ENPP4: variants seen among roughly 807,000 people sequenced by gnomAD.
ENPP4 encodes the protein bis(5'-adenosyl)-triphosphatase ENPP4.
A neutral mutation model predicts 33.4 loss-of-function variants in ENPP4; 18 were observed. That is an observed-to-expected ratio of 0.54 (90% CI 0.37 to 0.80). The LOEUF is 0.80. Among genes scored for constraint, ENPP4 ranks in the 30% least tolerant of loss-of-function variants. ENPP4 has a pLI of 0.00. For synonymous variants in ENPP4, 172 were observed against 189.9 expected (o/e 0.91, Z 0.78); for missense variants, 480 against 541.7 (o/e 0.89, Z 1.13).
rs7451713 is a variant in ENPP4, at chr6:46,140,015, C to T, written c.432C>T (p.His144=). Residue 144 remains histidine (H), a synonymous_variant, in exon 2 of 4, where the codon CAC becomes CAT. Coordinates refer to ENST00000321037, the MANE Select transcript of ENPP4 (RefSeq NM_014936.5). ...AMWPGTDVPI[H]DTISSYFMNY... is the part of the protein sequence containing the mutation. ...GGCCTGGTACTGATGTACCCATTCA[C>T]GATACCATCTCTTCCTATTTTATGA... 45 of 1,612,244 alleles carry T rather than the reference C, an allele frequency of 2.8e-5. No individual in the cohort carries two copies. The East Asian group carries it at 7.8e-4, about 28-fold the overall frequency.
Position 46,139,999 on chromosome 6 carries a change from C to G in ENPP4, c.416C>G (p.Thr139Ser), listed in dbSNP as rs1158844061. 6.2e-7 allele frequency: 1 copy of G among 1,612,804 alleles called. No homozygotes were observed. Among genetic ancestry groups the G allele is most frequent in the East Asian group, 2.2e-5 (1 of 44,860 alleles). ...RSSAAAMWPGTDVPIHDTISS... is the reference protein window; with the variant it reads ...RSSAAAMWPGSDVPIHDTISS... ...AGTGCTGCTGCTATGTGGCCTGGTA[C>G]TGATGTACCCATTCACGATACCATC... Residue 139 changes from threonine to serine, a missense_variant, in exon 2 of 4, where the codon ACT becomes AGT. Physicochemically the swap from Thr to Ser is moderately conservative, Grantham distance 58. This residue lies in a region of ENPP4 where 227 missense variants were observed against 273.7 expected (regional missense o/e 0.83). Coordinates refer to ENST00000321037, the MANE Select transcript of ENPP4 (RefSeq NM_014936.5).
At chr6:46,132,408 G>A (rs1358975745) in intron 1 of ENPP4, among the ~76,000 whole-genome samples, 1 of 152,192 alleles carries the variant, frequency 6.6e-6, no homozygotes. Context: ...TTATGAAATA[G>A]GGAATACTTT....
chr6:46,139,841 T>C lies in ENPP4; in HGVS notation c.258T>C (p.His86=), dbSNP rs755928136. The C allele has an allele frequency of 1.2e-6, 2 of 1,612,506 alleles. No homozygotes were observed. The highest frequency in any genetic ancestry group is 1.3e-5 in the African/African-American group (1 of 74,800). Residue 86 remains histidine, a synonymous_variant, in exon 2 of 4, where the codon CAT becomes CAC. Transcript: ENST00000321037. ...TGACAGGCTTGTATGAAGAAAGCCA[T>C]GGCATTGTGGCTAATTCCATGTATG... The part of the protein sequence containing the change: ...SIVTGLYEES[H]GIVANSMYDA...
At chr6:46,130,248 C>G (rs372314984) in intron 1 of ENPP4, 59 bp downstream of exon 1, 1 of 152,298 alleles carries the variant, frequency 6.6e-6, no homozygotes. Context: ...CCTCTCCAGT[C>G]CCCTAGGGGC....
Position 46,138,619 on chromosome 6 carries a change from C to G in ENPP4, c.-33-932C>G, listed in dbSNP as rs117874699. Among the ~76,000 whole-genome samples the G allele has an allele frequency of 1.7e-3, 260 of 151,974 alleles. 7 individuals carry two copies. In the East Asian group the frequency reaches 0.043, roughly 25 times the overall value. On this transcript the variant is annotated intron_variant, in intron 1 of 3. Coordinates refer to ENST00000321037, the MANE Select transcript of ENPP4 (RefSeq NM_014936.5). ...GCCCTCAAATCTGTCAGCTCCCCTACCTTTGCTCCTTCTCTCCTGTTACAA... is the reference window on the plus strand; with the variant it reads ...GCCCTCAAATCTGTCAGCTCCCCTAGCTTTGCTCCTTCTCTCCTGTTACAA...
Position 46,139,608 on chromosome 6 carries a change from T to C in ENPP4, c.25T>C (p.Phe9Leu). Residue 9 changes from phenylalanine to leucine, a missense_variant, in exon 2 of 4, where the codon TTT becomes CTT. Around this residue, in one of 3 missense-constraint regions of ENPP4, gnomAD observed 227 missense variants for 273.7 expected, o/e 0.83. Transcript: ENST00000321037. Reference protein sequence around the residue: MKLLVILLFSGLITGFRSD... With the variant: MKLLVILLLSGLITGFRSD... Reference sequence around the variant, plus strand: ...TATGAAGTTATTAGTAATACTTTTGTTTTCTGGACTTATAACTGGTTTTAG... The same window carrying C: ...TATGAAGTTATTAGTAATACTTTTGCTTTCTGGACTTATAACTGGTTTTAG... 1.9e-6 allele frequency: 3 copies of C among 1,599,742 alleles called. No individual in the cohort carries two copies. The highest frequency in any genetic ancestry group is 2.6e-6 in the Non-Finnish European group (3 of 1,168,306).
intron 1 of ENPP4, among the ~76,000 whole-genome samples, chr6:46,130,391 C>T (rs1007006010): frequency 2.0e-5 from 3 of 152,142 alleles, no homozygotes; most frequent in Admixed American, 2.0e-4. Context: ...GAGGCGGAGG[C>T]CAGGAAGGGA....
intron 1 of ENPP4, among the ~76,000 whole-genome samples, chr6:46,130,679 G>T (rs906404078): frequency 5.3e-5 from 8 of 152,204 alleles, no homozygotes; most frequent in African/African-American, 1.7e-4. Flanking sequence ...AACAATAAAA[G>T]GTACATTTAA....
chr6:46,143,554 A>G lies in ENPP4; in HGVS notation c.1276A>G (p.Ile426Val). The change falls in exon 4 of 4, where the codon ATA becomes GTA. Residue 426 changes from isoleucine to valine, a missense_variant. Ile to Val is a conservative substitution (Grantham distance 29, BLOSUM62 3). Transcript: ENST00000321037. ...GTTAACCATGCTAACATGCCTCATA[A>G]TAATCATGCAGAATAGACTTTCTGT... is the stretch of plus-strand genomic sequence containing the variant. ...LVLTMLTCLI[I>V]IMQNRLSVPR... 2.5e-6 allele frequency: 4 copies of G among 1,612,658 alleles called. No individual in the cohort carries two copies. In the South Asian group the frequency reaches 4.4e-5, roughly 18 times the overall value.
rs778400625 is a variant in ENPP4 at position 46,140,131 on chromosome 6, T to C, written c.548T>C (p.Leu183Pro). 1.2e-6 allele frequency: 2 copies of C among 1,612,562 alleles called. No individual in the cohort carries two copies. The highest frequency in any genetic ancestry group is 1.7e-6 in the Non-Finnish European group (2 of 1,179,060). Residue 183 changes from leucine to proline, a missense_variant, in exon 2 of 4, where the codon CTA (leucine) becomes CCA (proline). This residue lies in a region of ENPP4 where 227 missense variants were observed against 273.7 expected (regional missense o/e 0.83). Coordinates refer to ENST00000321037, the MANE Select transcript of ENPP4 (RefSeq NM_014936.5). Reference protein sequence around the residue: ...NSNPPVTFATLYWEEPDASGH... With the variant: ...NSNPPVTFATPYWEEPDASGH... ...AACCCACCAGTCACCTTTGCAACAC[T>C]ATATTGGGAAGAACCAGATGCAAGT...
At position 46,145,323 on chromosome 6, in the gene ENPP4, T is replaced by G. The variant is rs1030757527; in HGVS notation, c.*1683T>G. 1 of 178,458 alleles carries G rather than the reference T, an allele frequency of 5.6e-6. No homozygotes were observed. The highest frequency in any genetic ancestry group is 1.2e-5 in the Non-Finnish European group (1 of 85,916). The allele number at this position is 178,458 out of a possible 1,614,324, so 11.1% of individuals were successfully genotyped here. ...GAGGCATTTTCAAACCCTGTATAAA[T>G]AATCCATGCTGTTGGTCATAAGTTA... On this transcript the variant is annotated 3_prime_UTR_variant, in exon 4 of 4. Coordinates refer to ENST00000321037, the MANE Select transcript of ENPP4 (RefSeq NM_014936.5).
intron 1 of ENPP4, among the ~76,000 whole-genome samples, chr6:46,132,470 T>C (rs992063786): frequency 1.3e-5 from 2 of 152,198 alleles, no homozygotes; most frequent in African/African-American, 2.4e-5. Flanking sequence ...GTTGTAGATA[T>C]GCGGCGTTAT....
In ENPP4 at chr6:46,130,033, G is replaced by A. The variant is rs1218984848; in HGVS notation, c.-190G>A. 6.6e-6 allele frequency: 1 copy of A among 152,022 alleles called. No homozygotes were observed. The highest frequency in any genetic ancestry group is 1.5e-5 in the Non-Finnish European group (1 of 67,908). The allele number at this position is 152,022 out of a possible 1,614,324, so 9.4% of individuals were successfully genotyped here. On this transcript the variant is annotated 5_prime_UTR_variant, in exon 1 of 4. Coordinates refer to ENST00000321037, the MANE Select transcript of ENPP4 (RefSeq NM_014936.5). Reference sequence around the variant, plus strand: ...GCGCAGATAGGGACGTTGGGGCTGTGCCCCGCGGCGCGGCGCCTGCCACTG... The same window carrying A: ...GCGCAGATAGGGACGTTGGGGCTGTACCCCGCGGCGCGGCGCCTGCCACTG...
At chr6:46,135,415 C>G (rs1226891871) in intron 1 of ENPP4, among the ~76,000 whole-genome samples, 1 of 152,002 alleles carries the variant, frequency 6.6e-6, no homozygotes, top group Admixed American at 6.6e-5. Context: ...TCTCTGATGA[C>G]TAATGCTGTT....
chr6:46,130,360 G>A (rs994637621), intron 1 of ENPP4, among the ~76,000 whole-genome samples, 171 bp downstream of exon 1: 12 of 152,252 alleles, frequency 7.9e-5, no homozygotes, highest in African/African-American at 2.7e-4. Flanking sequence ...GGGACTCAAA[G>A]AGCCAGGGAG....
In ENPP4 at chr6:46,138,685, C is replaced by A. The variant is rs575352653; in HGVS notation, c.-33-866C>A. Among the ~76,000 whole-genome samples the A allele has an allele frequency of 5.9e-5, 9 of 151,858 alleles. No individual in the cohort carries two copies. The South Asian group carries it at 1.9e-3, about 32-fold the overall frequency. The stretch of plus-strand genomic sequence containing the variant: ...GTCCATCTGAAGTGAATCATTTTAC[C>A]TCACTCACATGTCCTATTTTCTTAG... On this transcript the variant is annotated intron_variant, in intron 1 of 3. Transcript: ENST00000321037.
Position 46,146,594 on chromosome 6 carries a change from A to C in ENPP4, c.*2954A>C, listed in dbSNP as rs552318391. 1.2e-4 allele frequency: 19 copies of C among 152,198 alleles called. No homozygotes were observed. The highest frequency in any genetic ancestry group is 1.3e-4 in the Admixed American group (2 of 15,212). The allele number at this position is 152,198 out of a possible 1,614,324, so 9.4% of individuals were successfully genotyped here. ...TTAAATTAAAATATTTTTGACTGTT[A>C]CTTGAGTTCAGAATTAATGACTTTG... On this transcript the variant is annotated 3_prime_UTR_variant, in exon 4 of 4. Transcript: ENST00000321037.
chr6:46,132,100 A>T (rs368744471), intron 1 of ENPP4, among the ~76,000 whole-genome samples: 2 of 151,996 alleles, frequency 1.3e-5, no homozygotes, highest in African/African-American at 2.4e-5. Flanking sequence ...CCCATTTTGT[A>T]GGTTGCCTGT....
chr6:46,140,425 A>C lies in ENPP4; in HGVS notation c.826+16A>C. ...CCCAAAATAAGTAAGTAAACATTCA[A>C]CTGAGGGATACTATTATTCGAATGG... On this transcript the variant is annotated intron_variant, in intron 2 of 3. Coordinates refer to ENST00000321037, the MANE Select transcript of ENPP4 (RefSeq NM_014936.5). 1 of 1,405,072 alleles carries C rather than the reference A, an allele frequency of 7.1e-7. No homozygotes were observed. The highest frequency in any genetic ancestry group is 9.7e-7 in the Non-Finnish European group (1 of 1,028,838). 87.0% of individuals were successfully genotyped at this position (1,405,072 alleles called of 1,614,324 possible).
Sources: allele counts gnomAD v4.1 joint callset (sites outside exome capture counted in the v4.1 genomes callset), GRCh38; gene constraint gnomAD v4.1.1; regional missense constraint gnomAD v4.1.1; transcripts MANE v1.5; gene names NCBI Gene and HGNC (gene_info 2026-07-23, HGNC 2026-07-21).